TADA3: variants seen among roughly 807,000 people sequenced by gnomAD.
The protein encoded by TADA3 is transcriptional adaptor 3.
TADA3 carries 25 observed loss-of-function variants against 43.2 expected under a neutral mutation model. The ratio of observed to expected loss-of-function variants is 0.58; its 90% CI spans 0.42 to 0.81. The LOEUF is 0.81. TADA3 is among the 30% of genes least tolerant of loss of function. The pLI is 0.00. For synonymous variants in TADA3, 235 were observed against 225.5 expected, an observed-to-expected ratio of 1.04 and a Z score of -0.38; for missense variants, 441 against 567.8, an observed-to-expected ratio of 0.78 and a Z score of 2.27.
rs764146977 is a variant in TADA3, at chr3:9,787,221, T to C, written c.684A>G (p.Pro228=). 5 of 1,614,210 alleles carry C rather than the reference T, an allele frequency of 3.1e-6. No individual in the cohort carries two copies. Among genetic ancestry groups the C allele is most frequent in the South Asian group, 2.2e-5 (2 of 91,086 alleles). ...VADKKKGLMG[P]LTELDTKDVD... The stretch of plus-strand genomic sequence containing the variant: ...TACCTTTAGTGTCCAGTTCGGTCAG[T>C]GGCCCCATGAGGCCTTTCTTCTTGT... The change falls in exon 5 of 9, where the codon CCA becomes CCG. Residue 228 remains proline, a synonymous_variant. Transcript: ENST00000301964.
Position 9,789,596 on chromosome 3 carries a change from C to T in TADA3, c.477G>A (p.Glu159=), listed in dbSNP as rs771098701. ...CGCTGGTGATGTCAGCACAGTAGGGCTCCACTGAAGCCCAGAACCTGCAGG... is the reference window on the plus strand; with the variant it reads ...CGCTGGTGATGTCAGCACAGTAGGGTTCCACTGAAGCCCAGAACCTGCAGG... ...DAPNRFWASV[E]PYCADITSEE... Residue 159 remains glutamate (E), a synonymous_variant, in exon 4 of 9, where the codon GAG becomes GAA. Coordinates refer to ENST00000301964, the MANE Select transcript of TADA3 (RefSeq NM_006354.5). 1 of 1,614,150 alleles carries T rather than the reference C, an allele frequency of 6.2e-7. No homozygotes were observed. Among genetic ancestry groups the T allele is most frequent in the South Asian group, 1.1e-5 (1 of 91,084 alleles).
At position 9,784,094 on chromosome 3, in the gene TADA3, C is replaced by T. The variant is rs868693322; in HGVS notation, c.1040G>A (p.Arg347His). ...DSEDEVLAEL[R>H]KRQAELKALS... Reference sequence around the variant, plus strand: ...TGCCTTCAGCTCAGCCTGCCGTTTGCGAAGCTCAGCAAGGACCTCATCCTC... The same window carrying T: ...TGCCTTCAGCTCAGCCTGCCGTTTGTGAAGCTCAGCAAGGACCTCATCCTC... Residue 347 changes from arginine to histidine, a missense_variant, in exon 8 of 9, where the codon CGC becomes CAC. Transcript: ENST00000301964. 6.2e-6 allele frequency: 10 copies of T among 1,614,154 alleles called. No individual in the cohort carries two copies. Among genetic ancestry groups the T allele is most frequent in the Non-Finnish European group, 8.5e-6 (10 of 1,180,016 alleles).
At chr3:9,786,116 T>TG (rs1427636574) in intron 6 of TADA3, among the ~76,000 whole-genome samples, 1 of 152,164 alleles carries the variant, frequency 6.6e-6, no homozygotes, top group Non-Finnish European at 1.5e-5. Context: ...TTTTTTTGTA[T>TG]TTTTAGTAGA....
At chr3:9,789,146 A>G (rs1348737087) in intron 4 of TADA3, among the ~76,000 whole-genome samples, 1 of 152,136 alleles carries the variant, frequency 6.6e-6, no homozygotes, top group African/African-American at 2.4e-5. Context: ...CAAGTTTTAT[A>G]TCTTAAAGAA....
chr3:9,785,384 G>A lies in TADA3; in HGVS notation c.852C>T (p.Asp284=), dbSNP rs779924534. 5 of 1,614,066 alleles carry A rather than the reference G, an allele frequency of 3.1e-6. No individual in the cohort carries two copies. The highest frequency in any genetic ancestry group is 4.2e-6 in the Non-Finnish European group (5 of 1,179,950). ...CAGCCCCTGATTCTTTCCCAGACAT[G>A]TCAGGAATAGGAGAATCCTCCATAG... ...ISPMEDSPIP[D]MSGKESGADG... The change falls in exon 7 of 9, where the codon GAC becomes GAT. Residue 284 remains aspartate (D), a synonymous_variant. Transcript: ENST00000301964.
At position 9,791,335 on chromosome 3, in the gene TADA3, G is replaced by A. The variant is rs764372553; in HGVS notation, c.132C>T (p.Asp44=). The change falls in exon 2 of 9, where the codon GAC becomes GAT. Residue 44 remains aspartate, a synonymous_variant. Coordinates refer to ENST00000301964, the MANE Select transcript of TADA3 (RefSeq NM_006354.5). The part of the protein sequence containing the change: ...EDDGIGIEEL[D]TLQLELETLL... ...GGGTCTCCAGCTCCAGCTGCAGGGT[G>A]TCCAGCTCCTCGATGCCGATGCCAT... is the stretch of plus-strand genomic sequence containing the variant. The A allele has an allele frequency of 1.2e-6, 2 of 1,614,088 alleles. No homozygotes were observed. Among genetic ancestry groups the A allele is most frequent in the African/African-American group, 2.7e-5 (2 of 74,938 alleles).
chr3:9,792,145 C>G (rs541801075), intron 1 of TADA3, 71 bp downstream of exon 1: 15 of 152,442 alleles, frequency 9.8e-5, no homozygotes, highest in African/African-American at 3.6e-4. Context: ...AAAATGGGGA[C>G]AAAAGAAGTC....
At chr3:9,791,527 G>C in intron 1 of TADA3, 34 bp from the exon 2 acceptor site, 1 of 1,397,200 alleles carries the variant, frequency 7.2e-7, no homozygotes, top group Non-Finnish European at 9.8e-7. Flanking sequence ...GGGAGACAAA[G>C]TGGTCTGAGA....
chr3:9,790,066 G>A, intron 2 of TADA3, 103 bp from the exon 3 acceptor site: 1 of 1,384,086 alleles, frequency 7.2e-7, no homozygotes, highest in South Asian at 1.6e-5. Context: ...GAGGCTCCTG[G>A]GTCTTTCCCC....
intron 8 of TADA3, chr3:9,783,784 A>G: frequency 3.0e-6 from 2 of 665,990 alleles, no homozygotes; most frequent in Non-Finnish European, 4.5e-6. Flanking sequence ...TCTCAAAAAA[A>G]AACAAAACAA....
chr3:9,789,856 T>G lies in TADA3; in HGVS notation c.315A>C (p.Lys105Asn), dbSNP rs1409232331. Residue 105 changes from lysine (K) to asparagine (N), a missense_variant, in exon 3 of 9, where the codon AAA becomes AAC. Coordinates refer to ENST00000301964, the MANE Select transcript of TADA3 (RefSeq NM_006354.5). The part of the protein sequence containing the change: ...PPKHGKPKKQ[K>N]LEGKAGHGPG... ...GCCCATGTCCTGCCTTCCCTTCCAG[T>G]TTCTGCTTCTTGGGCTTCCCATGTT... 6.2e-7 allele frequency: 1 copy of G among 1,614,254 alleles called. No individual in the cohort carries two copies. The highest frequency in any genetic ancestry group is 1.1e-5 in the South Asian group (1 of 91,088).
At chr3:9,791,160 C>T (rs1319814309) in intron 2 of TADA3, 100 bp downstream of exon 2, 3 of 1,247,100 alleles carry the variant, frequency 2.4e-6, no homozygotes, top group Non-Finnish European at 3.3e-6. Flanking sequence ...CCCCACAAAC[C>T]CCTGTACCCC....
chr3:9,791,149 T>C (rs2078721414), intron 2 of TADA3, 111 bp downstream of exon 2: 5 of 1,083,422 alleles, frequency 4.6e-6, no homozygotes, highest in Non-Finnish European at 5.3e-6. Flanking sequence ...TCTCTCCCTC[T>C]CCCCACAAAC....
chr3:9,791,312 G>A lies in TADA3; in HGVS notation c.155C>T (p.Thr52Ile). The change falls in exon 2 of 9, where the codon ACC (threonine) becomes ATC (isoleucine). Residue 52 changes from threonine to isoleucine, a missense_variant. Physicochemically the swap from Thr to Ile is moderately conservative, Grantham distance 89. Coordinates refer to ENST00000301964, the MANE Select transcript of TADA3 (RefSeq NM_006354.5). ...GCGCCGGCTGGCAGAAGACAGCAGGGTCTCCAGCTCCAGCTGCAGGGTGTC... is the reference window on the plus strand; with the variant it reads ...GCGCCGGCTGGCAGAAGACAGCAGGATCTCCAGCTCCAGCTGCAGGGTGTC... ...ELDTLQLELE[T>I]LLSSASRRLR... 1 of 1,613,956 alleles carries A rather than the reference G, an allele frequency of 6.2e-7. No homozygotes were observed. The highest frequency in any genetic ancestry group is 1.1e-5 in the South Asian group (1 of 91,068).
chr3:9,785,241 T>C (rs1312870380), intron 7 of TADA3, 75 bp downstream of exon 7: 1 of 1,214,054 alleles, frequency 8.2e-7, no homozygotes, highest in Non-Finnish European at 1.2e-6. Context: ...TGATGAGGAC[T>C]TCCCCAGGTT....
intron 8 of TADA3, 108 bp from the exon 9 acceptor site, chr3:9,780,657 A>C (rs2078438177): frequency 8.5e-7 from 1 of 1,181,910 alleles, no homozygotes. Context: ...ATGCCTGTGG[A>C]TTGTGTCATA....
Position 9,780,355 on chromosome 3 carries a change from G to T in TADA3, c.*2C>A. 6.2e-7 allele frequency: 1 copy of T among 1,611,292 alleles called. No homozygotes were observed. The highest frequency in any genetic ancestry group is 8.5e-7 in the Non-Finnish European group (1 of 1,178,636). ...ATAATCAGCCTGAGGCAGGGGTGAG[G>T]GCTACCCATCCAGCAGCTTCAGGAT... On this transcript the variant is annotated 3_prime_UTR_variant, in exon 9 of 9. Transcript: ENST00000301964.
Position 9,785,311 on chromosome 3 carries a change from C to A in TADA3, c.920+5G>T. 1 of 1,610,640 alleles carries A rather than the reference C, an allele frequency of 6.2e-7. No homozygotes were observed. Among genetic ancestry groups the A allele is most frequent in the South Asian group, 1.1e-5 (1 of 90,792 alleles). On this transcript the variant is annotated splice_donor_5th_base_variant and intron_variant, in intron 7 of 8. Transcript: ENST00000301964. ...ACTGTGGGTTGTGGATAGGACACCACTCACCTGAAGGGCTTGTTCTGATTG... is the reference window on the plus strand; with the variant it reads ...ACTGTGGGTTGTGGATAGGACACCAATCACCTGAAGGGCTTGTTCTGATTG...
chr3:9,792,484 G>T, upstream of TADA3: 2 of 1,204,476 alleles, frequency 1.7e-6, no homozygotes, highest in South Asian at 4.2e-5. Context: ...GGCTATGGGC[G>T]GGCCCCTTGC....
Sources: allele counts gnomAD v4.1 joint callset (sites outside exome capture counted in the v4.1 genomes callset), GRCh38; gene constraint gnomAD v4.1.1; transcripts MANE v1.5; gene names NCBI Gene and HGNC (gene_info 2026-07-23, HGNC 2026-07-21).